The following NTRK1 variants were observed in gnomAD, a reference collection of about 807,000 sequenced individuals.
NTRK1 encodes the protein neurotrophic receptor tyrosine kinase 1.
A neutral mutation model predicts 86.8 loss-of-function variants in NTRK1; 62 were observed. The observed-to-expected ratio is 0.71, with a 90% CI of 0.58 to 0.88. The LOEUF is 0.88. Among genes scored for constraint, NTRK1 ranks in the 40% least tolerant of loss-of-function variants. The pLI is 0.00. For missense variants in NTRK1, 967 were observed against 1,078.4 expected, an observed-to-expected ratio of 0.90 and a Z score of 1.45; for synonymous variants, 469 against 456.6, an observed-to-expected ratio of 1.03 and a Z score of -0.35.
At chr1:156,868,288 G>A in intron 5 of NTRK1, 39 bp downstream of exon 5, 1 of 1,600,606 alleles carries the variant, frequency 6.2e-7, no homozygotes, top group Non-Finnish European at 8.5e-7. Flanking sequence ...AGGGGGCTGG[G>A]GAAGAGACCT....
intron 2 of NTRK1, chr1:156,849,510 T>C: frequency 3.5e-6 from 1 of 287,876 alleles, no homozygotes; most frequent in Non-Finnish European, 6.8e-6. Flanking sequence ...GGGCAGGGGG[T>C]GGGAAAGGGG....
intron 1 of NTRK1, among the ~76,000 whole-genome samples, chr1:156,837,438 G>A (rs1654624013): frequency 6.6e-6 from 1 of 152,222 alleles, no homozygotes; most frequent in Non-Finnish European, 1.5e-5. Context: ...CTTACTAGTG[G>A]GCCCTTGGCC....
At chr1:156,867,403 C>T (rs1655987795) in intron 4 of NTRK1, among the ~76,000 whole-genome samples, 1 of 152,230 alleles carries the variant, frequency 6.6e-6, no homozygotes, top group African/African-American at 2.4e-5. Context: ...CCTGGTTTCT[C>T]ATCCTGGGGA....
chr1:156,844,608 C>G (rs1654922547), intron 2 of NTRK1: 2 of 1,614,162 alleles, frequency 1.2e-6, no homozygotes, highest in Non-Finnish European at 1.7e-6. Context: ...ACGGGACACA[C>G]ACAGCACTGT....
chr1:156,851,073 T>C, intron 2 of NTRK1: 1 of 629,512 alleles, frequency 1.6e-6, no homozygotes, highest in Non-Finnish European at 2.9e-6. Context: ...ACATAACAAC[T>C]TGAGTAATAT....
intron 1 of NTRK1, among the ~76,000 whole-genome samples, chr1:156,825,639 C>T (rs1403319469): frequency 6.6e-6 from 1 of 152,150 alleles, no homozygotes; most frequent in Non-Finnish European, 1.5e-5. Flanking sequence ...ACTGCCAAGG[C>T]CTAGCCTTGC....
chr1:156,857,989 GA>G (rs1322141383), upstream of NTRK1, among the ~76,000 whole-genome samples: 4 of 152,168 alleles, frequency 2.6e-5, no homozygotes, highest in Non-Finnish European at 5.9e-5. Context: ...GGGTGTTGAG[GA>G]AGAGCAGTCT....
At chr1:156,859,760 G>A (rs1655544099), upstream of NTRK1, among the ~76,000 whole-genome samples, 1 of 152,098 alleles carries the variant, frequency 6.6e-6, no homozygotes, top group East Asian at 1.9e-4. The surrounding 1 kb of genome is among the most constrained non-coding windows in gnomAD (Gnocchi z 6.2). Flanking sequence ...GGGCCTTGGC[G>A]GAGAGAACCG....
rs180848369 is a variant in NTRK1, at chr1:156,873,558, T to C, written c.851-75T>C. On this transcript the variant is annotated intron_variant, in intron 7 of 16. Coordinates refer to ENST00000524377, the MANE Select transcript of NTRK1 (RefSeq NM_002529.4). ...TTTCGGGTTCTACTCGCTTTGCCCG[T>C]GGACTTGTCGGGTGTGTGCCAGGCT... 2.3e-6 allele frequency: 3 copies of C among 1,300,446 alleles called. No homozygotes were observed. In the Admixed American group the frequency reaches 5.6e-5, roughly 24 times the overall value. 80.6% of individuals were successfully genotyped at this position (1,300,446 alleles called of 1,614,324 possible). A position where few individuals can be genotyped will look rare whatever the true frequency, so the allele number is the denominator to read the frequency against.
chr1:156,877,119 C>G (rs1422287571), intron 14 of NTRK1, among the ~76,000 whole-genome samples: 4 of 152,194 alleles, frequency 2.6e-5, no homozygotes, highest in Non-Finnish European at 2.9e-5. Flanking sequence ...TTCCTGGGCT[C>G]AAGCAATTCT....
Position 156,845,242 on chromosome 1 carries a change from G to A in NTRK1, c.50+3049G>A, listed in dbSNP as rs1254128970. ...TGTCCTCCTGGATCTCGAAATCCGA[G>A]CTGTTGCCCCCCAGCCGGAGGGGCC... On this transcript the variant is annotated intron_variant, in intron 2 of 16. Coordinates refer to the NTRK1 transcript ENST00000392302. 25 of 1,610,854 alleles carry A rather than the reference G, an allele frequency of 1.6e-5. 1 individual carries two copies. The highest frequency in any genetic ancestry group is 2.1e-5 in the Non-Finnish European group (25 of 1,178,788).
intron 16 of NTRK1, chr1:156,880,428 A>C: frequency 1.9e-6 from 1 of 535,288 alleles, no homozygotes. Context: ...CCAGACCCCC[A>C]TCCCTAGCTG....
chr1:156,876,970 T>A (rs546348240), intron 14 of NTRK1, among the ~76,000 whole-genome samples: 6 of 152,222 alleles, frequency 3.9e-5, no homozygotes, highest in Non-Finnish European at 8.8e-5. Context: ...CCAGGTGCTA[T>A]GTTATATACT....
chr1:156,841,121 G>A (rs1392762237), intron 1 of NTRK1: 3 of 1,547,764 alleles, frequency 1.9e-6, no homozygotes, highest in Non-Finnish European at 2.6e-6. Context: ...GGTGTGGGGA[G>A]CAGGGTCAGA....
Position 156,876,576 on chromosome 1 carries a change from C to A in NTRK1, c.1805+4C>A. On this transcript the variant is annotated splice_donor_region_variant and intron_variant, in intron 14 of 16. Transcript: ENST00000524377. Reference sequence around the variant, plus strand: ...GGGACCTCAACCGCTTCCTCCGGTACCAGCACCTGGCCTCAGCGCTGGCCC... The same window carrying A: ...GGGACCTCAACCGCTTCCTCCGGTAACAGCACCTGGCCTCAGCGCTGGCCC... The A allele has an allele frequency of 6.2e-7, 1 of 1,610,718 alleles. No homozygotes were observed. Among genetic ancestry groups the A allele is most frequent in the Admixed American group, 1.7e-5 (1 of 59,792 alleles).
chr1:156,845,537 A>ACAAACCCCCCCCCCCCCCCC, intron 2 of NTRK1: 1 of 648,974 alleles, frequency 1.5e-6, no homozygotes, highest in Non-Finnish European at 2.2e-6. Flanking sequence ...GGCCCCACCC[A>ACAAACCCCCCCCCCCCCCCC]CAAACCCCAC....
At position 156,871,730 on chromosome 1, in the gene NTRK1, G is replaced by A; in HGVS notation, c.825G>A (p.Glu275=). 6.2e-7 allele frequency: 1 copy of A among 1,614,194 alleles called. No homozygotes were observed. Among genetic ancestry groups the A allele is most frequent in the Non-Finnish European group, 8.5e-7 (1 of 1,180,032 alleles). ...CAGAGAACGATGTGGGCCGGGCAGA[G>A]GTCTCTGTTCAGGTCAACGTCTCCT... is the stretch of plus-strand genomic sequence containing the variant. The part of the protein sequence containing the change: ...CWAENDVGRA[E]VSVQVNVSFP... Residue 275 remains glutamate (E), a synonymous_variant, in exon 7 of 17, where the codon GAG becomes GAA. Coordinates refer to ENST00000524377, the MANE Select transcript of NTRK1 (RefSeq NM_002529.4).
At chr1:156,849,155 C>T (rs1303680642) in intron 2 of NTRK1, 1 of 1,600,406 alleles carries the variant, frequency 6.2e-7, no homozygotes, top group South Asian at 1.1e-5. Flanking sequence ...GAGAACTTCT[C>T]AGAGTGTCCC....
intron 8 of NTRK1, 129 bp downstream of exon 8, chr1:156,874,088 G>C (rs2102907256): frequency 9.8e-7 from 1 of 1,017,556 alleles, no homozygotes; most frequent in Non-Finnish European, 1.5e-6. Flanking sequence ...CTGGAGTCCT[G>C]GTGTCCCGCT....
Sources: allele counts gnomAD v4.1 joint callset (sites outside exome capture counted in the v4.1 genomes callset), GRCh38; gene constraint gnomAD v4.1.1; non-coding constraint Gnocchi (gnomAD v3.1); transcripts MANE v1.5; gene names NCBI Gene and HGNC (gene_info 2026-07-23, HGNC 2026-07-21).